The following HIF1A variants were observed in gnomAD, a reference collection of about 807,000 sequenced individuals.
HIF1A encodes the protein hypoxia-inducible factor 1-alpha.
A neutral mutation model predicts 92.7 loss-of-function variants in HIF1A; 24 were observed. The observed-to-expected ratio is 0.26, with a 90% confidence interval of 0.19 to 0.36. The LOEUF (loss-of-function observed/expected upper bound fraction) is 0.36, where lower values mean the gene tolerates loss of function less well. HIF1A is among the 10% of genes least tolerant of loss of function. HIF1A has a pLI of 1.00. For missense variants in HIF1A, 799 were observed against 998.5 expected (o/e 0.80, Z 2.69); for synonymous variants, 319 against 338.7 (o/e 0.94, Z 0.64).
chr14:61,740,424 A>G, intron 10 of HIF1A, 81 bp from the exon 11 acceptor site: 1 of 1,036,326 alleles, frequency 9.6e-7, no homozygotes, highest in Non-Finnish European at 1.4e-6. Flanking sequence ...GGTTTTTCTG[A>G]GATCTAGTTT....
intron 7 of HIF1A, 53 bp downstream of exon 7, chr14:61,732,577 C>T: frequency 9.0e-7 from 1 of 1,116,292 alleles, no homozygotes; most frequent in Non-Finnish European, 1.4e-6. Context: ...CTGTTGCAAC[C>T]TCTGTACAGT....
At chr14:61,711,296 C>T (rs1465039140) in intron 1 of HIF1A, among the ~76,000 whole-genome samples, 1 of 146,330 alleles carries the variant, frequency 6.8e-6, no homozygotes, top group African/African-American at 2.5e-5. Flanking sequence ...CCTTGAACTC[C>T]TGGGCTCAAA....
intron 4 of HIF1A, chr14:61,726,449 A>G (rs746985166): frequency 1.3e-4 from 33 of 258,596 alleles, no homozygotes; most frequent in Non-Finnish European, 2.3e-4. Context: ...GACTAAGCTT[A>G]CTGGCTTCAA....
In HIF1A at chr14:61,727,580, T is replaced by C; in HGVS notation, c.698T>C (p.Ile233Thr). Residue 233 changes from isoleucine to threonine, a missense_variant, in exon 6 of 15, where the codon ATT (isoleucine) becomes ACT (threonine). Ile to Thr is a moderately conservative substitution (Grantham distance 89). Coordinates refer to ENST00000337138, the MANE Select transcript of HIF1A (RefSeq NM_001530.4). ...ICEPIPHPSNIEIPLDSKTFL... is the reference protein window; with the variant it reads ...ICEPIPHPSNTEIPLDSKTFL... Reference sequence around the variant, plus strand: ...GAACCCATTCCTCACCCATCAAATATTGAAATTCCTTTAGATAGCAAGACT... The same window carrying C: ...GAACCCATTCCTCACCCATCAAATACTGAAATTCCTTTAGATAGCAAGACT... 3.1e-6 allele frequency: 5 copies of C among 1,613,976 alleles called. No individual in the cohort carries two copies. The highest frequency in any genetic ancestry group is 4.2e-6 in the Non-Finnish European group (5 of 1,179,860).
Position 61,744,720 on chromosome 14 carries a change from G to C in HIF1A, c.2109G>C (p.Glu703Asp). The change falls in exon 13 of 15, where the codon GAG (glutamate) becomes GAC (aspartate). Residue 703 changes from glutamate to aspartate, a missense_variant. By Grantham distance (45) the Glu-to-Asp change is conservative (BLOSUM62 2). Transcript: ENST00000337138. The stretch of plus-strand genomic sequence containing the variant: ...TTCTTTTCAGAACTACAGTTCCTGA[G>C]GAAGAACTAAATCCAAAGATACTAG... ...VALSQRTTVPEEELNPKILAL... is the reference protein window; with the variant it reads ...VALSQRTTVPDEELNPKILAL... 1.9e-6 allele frequency: 3 copies of C among 1,541,518 alleles called. No homozygotes were observed. The highest frequency in any genetic ancestry group is 2.7e-6 in the Non-Finnish European group (3 of 1,124,986).
At chr14:61,712,826 T>C (rs141750546) in intron 1 of HIF1A, among the ~76,000 whole-genome samples, 3 of 151,586 alleles carry the variant, frequency 2.0e-5, no homozygotes, top group African/African-American at 4.8e-5. Context: ...ACATCACTAC[T>C]GAGAAGACAA....
chr14:61,734,132 C>A lies in HIF1A; in HGVS notation c.881-6C>A. 6.5e-7 allele frequency: 1 copy of A among 1,543,712 alleles called. No individual in the cohort carries two copies. Among genetic ancestry groups the A allele is most frequent in the Non-Finnish European group, 8.7e-7 (1 of 1,147,086 alleles). On this transcript the variant is annotated splice_region_variant and splice_polypyrimidine_tract_variant and intron_variant, in intron 7 of 14. Transcript: ENST00000337138. ...TCTGCATGATTCTTTTTCTTTTCCC[C>A]CCTAGTGTTTACTAAAGGACAAGTC...
chr14:61,718,788 C>CT (rs1353095288), intron 1 of HIF1A, among the ~76,000 whole-genome samples: 1 of 151,926 alleles, frequency 6.6e-6, no homozygotes, highest in Non-Finnish European at 1.5e-5. Context: ...TAGTTTCTTC[C>CT]TTTTTTTCCT....
At position 61,742,885 on chromosome 14, in the gene HIF1A, CAAAAAAAAAAA is replaced by C. The variant is rs766112676; in HGVS notation, c.2093+1709_2093+1719del. 4.6e-3 allele frequency among the ~76,000 whole-genome samples: 76 copies of C among 16,598 alleles called. 2 individuals carry two copies. Among genetic ancestry groups the C allele is most frequent in the African/African-American group, 8.6e-3 (73 of 8,448 alleles). The allele number at this position is 16,598 out of a possible 152,430, so 10.9% of individuals were successfully genotyped here. On this transcript the variant is annotated intron_variant, in intron 12 of 14. Transcript: ENST00000337138. ...GGGCGAGAAGAGTGAAACTCGGTTT[CAAAAAAAAAAA>C]AAAAAAAAAAAGTTGTTGGACTGAC...
At chr14:61,743,649 A>G (rs1013186401) in intron 12 of HIF1A, among the ~76,000 whole-genome samples, 4 of 152,236 alleles carry the variant, frequency 2.6e-5, no homozygotes, top group Non-Finnish European at 5.9e-5. Flanking sequence ...GGCATTCTCA[A>G]CTGTCTGGAA....
intron 1 of HIF1A, among the ~76,000 whole-genome samples, chr14:61,704,719 C>T (rs1342782924): frequency 3.9e-5 from 6 of 152,168 alleles, no homozygotes; most frequent in South Asian, 2.1e-4. Flanking sequence ...ATTTCTTCAA[C>T]GCTTAACCAT....
Position 61,726,837 on chromosome 14 carries a change from T to C in HIF1A, c.570+19T>C. 1 of 1,346,898 alleles carries C rather than the reference T, an allele frequency of 7.4e-7. No individual in the cohort carries two copies. The highest frequency in any genetic ancestry group is 1.1e-6 in the Non-Finnish European group (1 of 949,118). The allele number at this position is 1,346,898 out of a possible 1,614,324, so 83.4% of individuals were successfully genotyped here. A position where few individuals can be genotyped will look rare whatever the true frequency, so the allele number is the denominator to read the frequency against. On this transcript the variant is annotated intron_variant, in intron 5 of 14. Transcript: ENST00000337138. The stretch of plus-strand genomic sequence containing the variant: ...ATGGAAGGTAAGTGAAAATTATTTG[T>C]GATTGATTATACACTTTATTTATAC...
intron 1 of HIF1A, among the ~76,000 whole-genome samples, chr14:61,717,347 C>T (rs181707050): frequency 1.3e-5 from 2 of 152,154 alleles, no homozygotes; most frequent in Admixed American, 1.3e-4. Flanking sequence ...TGTTATAAGA[C>T]CTCCAGTAGT....
At chr14:61,744,678 T>C in intron 12 of HIF1A, 27 bp from the exon 13 acceptor site, 4 of 1,002,954 alleles carry the variant, frequency 4.0e-6, no homozygotes, top group Non-Finnish European at 6.1e-6. Flanking sequence ...AACGCTATAT[T>C]TTCATTTAGA....
intron 4 of HIF1A, among the ~76,000 whole-genome samples, chr14:61,724,358 T>TCC (rs2044474224): frequency 6.8e-6 from 1 of 147,700 alleles, no homozygotes; most frequent in Non-Finnish European, 1.5e-5. Context: ...ATTCTCTCTC[T>TCC]CTCTCTCTCT....
chr14:61,740,062 A>ATTTTTTTTTTTTTTTTTTTTTTTTTT (rs36189686), intron 10 of HIF1A: 2 of 94,128 alleles, frequency 2.1e-5, no homozygotes, highest in African/African-American at 4.0e-5. Flanking sequence ...ATTTTCACAA[A>ATTTTTTTTTTTTTTTTTTTTTTTTTT]TTTTTTTTTT....
chr14:61,734,308 C>T, intron 8 of HIF1A, 23 bp downstream of exon 8: 1 of 1,560,144 alleles, frequency 6.4e-7, no homozygotes, highest in Non-Finnish European at 8.8e-7. Context: ...GAGAAATAAA[C>T]ATTTTTGGGG....
intron 1 of HIF1A, among the ~76,000 whole-genome samples, chr14:61,706,478 A>G (rs1030013325): frequency 1.3e-5 from 2 of 152,238 alleles, no homozygotes; most frequent in African/African-American, 4.8e-5. Flanking sequence ...TATACCTCAC[A>G]TTACATAGTA....
intron 1 of HIF1A, among the ~76,000 whole-genome samples, chr14:61,714,706 T>C (rs180739683): frequency 7.9e-5 from 12 of 152,292 alleles, no homozygotes; most frequent in African/African-American, 2.9e-4. Context: ...TTTGGCCTAA[T>C]ACAAGTTAGA....
Sources: gnomAD v4.1 joint callset for allele counts (sites outside exome capture counted in the v4.1 genomes callset) on GRCh38, gnomAD v4.1.1 for gene constraint, MANE v1.5 for transcripts, NCBI Gene and HGNC (gene_info 2026-07-23, HGNC 2026-07-21) for gene names.